Variants in VAMP2 observed in about 807,000 individuals in gnomAD.
The protein encoded by VAMP2 is vesicle associated membrane protein 2, also known as vesicle-associated membrane protein 2.
For missense variants in VAMP2, 95 were observed against 151.3 expected (o/e 0.63, Z 1.95); for synonymous variants, 67 against 57.3 (o/e 1.17, Z -0.76).
In VAMP2 at chr17:8,160,725, G is replaced by GAC; in HGVS notation, c.*128_*129dup. 1.4e-5 allele frequency: 10 copies of GAC among 719,790 alleles called. No individual in the cohort carries two copies. Among genetic ancestry groups the GAC allele is most frequent in the Non-Finnish European group, 2.2e-5 (10 of 462,740 alleles). 44.6% of individuals were successfully genotyped at this position (719,790 alleles called of 1,614,324 possible). The stretch of plus-strand genomic sequence containing the variant: ...AATAACAGCTGGCTATTTACAGGGG[G>GAC]ACACACACACGGACACACACACACA... On this transcript the variant is annotated 3_prime_UTR_variant, in exon 5 of 5. Coordinates refer to ENST00000316509, the MANE Select transcript of VAMP2 (RefSeq NM_014232.3).
Position 8,160,390 on chromosome 17 carries a change from T to TG in VAMP2, c.*464_*465insC, listed in dbSNP as rs1361112999. On this transcript the variant is annotated 3_prime_UTR_variant, in exon 5 of 5. Transcript: ENST00000316509. ...TGGACAGGTGCTGTTGTTTTTTTTT[T>TG]TTTTTTTTTTTTTTTGAGGGCGGGG... 1.1e-4 allele frequency: 14 copies of TG among 128,382 alleles called. No individual in the cohort carries two copies. The highest frequency in any genetic ancestry group is 4.0e-4 in the African/African-American group (14 of 34,680). 8.0% of individuals were successfully genotyped at this position (128,382 alleles called of 1,614,324 possible). A position where few individuals can be genotyped will look rare whatever the true frequency, so the allele number is the denominator to read the frequency against.
rs182894684 is a variant in VAMP2, at chr17:8,160,274, A to G, written c.*581T>C. On this transcript the variant is annotated 3_prime_UTR_variant, in exon 5 of 5. Transcript: ENST00000316509. Reference sequence around the variant, plus strand: ...AATGATACGCTAATTAACATGCTGGACGCTCCCAAAGACCTTGGGATTCTT... The same window carrying G: ...AATGATACGCTAATTAACATGCTGGGCGCTCCCAAAGACCTTGGGATTCTT... The G allele has an allele frequency of 1.3e-5, 2 of 152,188 alleles. No homozygotes were observed. The highest frequency in any genetic ancestry group is 6.6e-5 in the Admixed American group (1 of 15,210). 9.4% of individuals were successfully genotyped at this position (152,188 alleles called of 1,614,324 possible).
chr17:8,160,910 G>T, intron 4 of VAMP2, 39 bp from the exon 5 acceptor site: 2 of 1,540,282 alleles, frequency 1.3e-6, no homozygotes, highest in South Asian at 1.1e-5. Context: ...AGAGGGAGAG[G>T]GGAGAGAAAG....
At chr17:8,161,855 T>C in intron 2 of VAMP2, 89 bp from the exon 3 acceptor site, 1 of 1,545,640 alleles carries the variant, frequency 6.5e-7, no homozygotes, top group Non-Finnish European at 8.8e-7. Context: ...GTGCCACACA[T>C]GGAACATGCA....
At position 8,161,710 on chromosome 17, in the gene VAMP2, C is replaced by A. The variant is rs982358109; in HGVS notation, c.180G>T (p.Leu60=). The change falls in exon 3 of 5, where the codon CTG becomes CTT. Residue 60 remains leucine (L), a synonymous_variant. Transcript: ENST00000316509. ...CATCTGCACGGTCGTCCAGCTCCGA[C>A]AGCTTCTGGTCTCGCTCCAGGACCT... ...VDKVLERDQK[L]SELDDRADAL... 6.2e-7 allele frequency: 1 copy of A among 1,614,198 alleles called. No individual in the cohort carries two copies. The highest frequency in any genetic ancestry group is 8.5e-7 in the Non-Finnish European group (1 of 1,180,014).
In VAMP2 at chr17:8,160,380, G is replaced by GATT. The variant is rs779136429; in HGVS notation, c.*474_*475insAAT. 3 of 35,108 alleles carry GATT rather than the reference G, an allele frequency of 8.5e-5. No homozygotes were observed. The highest frequency in any genetic ancestry group is 3.5e-4 in the African/African-American group (3 of 8,576). 2.2% of individuals were successfully genotyped at this position (35,108 alleles called of 1,614,324 possible). ...TAAGGAAGCCTGGACAGGTGCTGTT[G>GATT]TTTTTTTTTTTTTTTTTTTTTTTTT... On this transcript the variant is annotated 3_prime_UTR_variant, in exon 5 of 5. Coordinates refer to ENST00000316509, the MANE Select transcript of VAMP2 (RefSeq NM_014232.3).
At position 8,162,349 on chromosome 17, in the gene VAMP2, G is replaced by A. The variant is rs1234973792; in HGVS notation, c.23C>T (p.Ala8Val). Residue 8 changes from alanine (A) to valine (V), a missense_variant, in exon 2 of 5, where the codon GCC (alanine) becomes GTC (valine). Ala to Val is a moderately conservative substitution (Grantham distance 64, BLOSUM62 0). Transcript: ENST00000316509. ...CTCCCCAGCCGGGGCAGCAGGGGGG[G>A]CCGTGGCAGCGGTAGCAGACCTGAG... is the stretch of plus-strand genomic sequence containing the variant. MSATAAT[A>V]PPAAPAGEGG... The A allele has an allele frequency of 1.2e-6, 2 of 1,607,280 alleles. No homozygotes were observed. Among genetic ancestry groups the A allele is most frequent in the South Asian group, 1.1e-5 (1 of 90,464 alleles).
Position 8,162,822 on chromosome 17 carries a change from C to T in VAMP2, c.2+56G>A, listed in dbSNP as rs951952800. On this transcript the variant is annotated intron_variant, in intron 1 of 4. Transcript: ENST00000316509. ...CCGGGCACTCCCGACGGCCGGTTGCCAAGGGCGGCGGCCGGCGCAGGGAAG... is the reference window on the plus strand; with the variant it reads ...CCGGGCACTCCCGACGGCCGGTTGCTAAGGGCGGCGGCCGGCGCAGGGAAG... 8.2e-6 allele frequency: 10 copies of T among 1,214,604 alleles called. No individual in the cohort carries two copies. The East Asian group carries it at 3.0e-4, about 36-fold the overall frequency. The allele number at this position is 1,214,604 out of a possible 1,614,324, so 75.2% of individuals were successfully genotyped here.
At position 8,160,902 on chromosome 17, in the gene VAMP2, AGGGAGAG is replaced by A. The variant is rs753778829; in HGVS notation, c.335-38_335-32del. On this transcript the variant is annotated intron_variant, in intron 4 of 4. Coordinates refer to ENST00000316509, the MANE Select transcript of VAMP2 (RefSeq NM_014232.3). ...GAGAGAGGGGAAGAAGATGAGGAAGAGGGAGAGGGGAGAGAAAGAGAGAGAACAAGAA... is the reference window on the plus strand; with the variant it reads ...GAGAGAGGGGAAGAAGATGAGGAAGAGGGAGAGAAAGAGAGAGAACAAGAA... The A allele has an allele frequency of 4.4e-6, 7 of 1,581,448 alleles. No individual in the cohort carries two copies. The Admixed American group carries it at 6.7e-5, about 15-fold the overall frequency.
At position 8,160,751 on chromosome 17, in the gene VAMP2, C is replaced by G; in HGVS notation, c.*104G>C. On this transcript the variant is annotated 3_prime_UTR_variant, in exon 5 of 5. Transcript: ENST00000316509. ...ACACACACACGGACACACACACACA[C>G]GGATCCAGGGGAGTGGGGGCTGAAA... The G allele has an allele frequency of 1.6e-6, 2 of 1,270,586 alleles. No homozygotes were observed. Among genetic ancestry groups the G allele is most frequent in the Non-Finnish European group, 2.2e-6 (2 of 909,854 alleles). The allele number at this position is 1,270,586 out of a possible 1,614,324, so 78.7% of individuals were successfully genotyped here. A position where few individuals can be genotyped will look rare whatever the true frequency, so the allele number is the denominator to read the frequency against.
chr17:8,162,522 G>A, intron 1 of VAMP2, 153 bp from the exon 2 acceptor site: 2 of 1,518,234 alleles, frequency 1.3e-6, no homozygotes, highest in East Asian at 2.6e-5. Flanking sequence ...GTCCAGCCCT[G>A]CCGCCGATGA....
chr17:8,162,345 G>T lies in VAMP2; in HGVS notation c.27C>A (p.Pro9=). 6.2e-7 allele frequency: 1 copy of T among 1,607,492 alleles called. No homozygotes were observed. The highest frequency in any genetic ancestry group is 8.5e-7 in the Non-Finnish European group (1 of 1,177,634). MSATAATA[P]PAAPAGEGGP... is the part of the protein sequence containing the mutation. ...CACCCTCCCCAGCCGGGGCAGCAGG[G>T]GGGGCCGTGGCAGCGGTAGCAGACC... The change falls in exon 2 of 5, where the codon CCC becomes CCA. Residue 9 remains proline (P), a synonymous_variant. Transcript: ENST00000316509.
rs1983264880 is a variant in VAMP2 at position 8,160,386 on chromosome 17, T to TTTTTTTTTTTTTG, written c.*468_*469insCAAAAAAAAAAAA. ...AGCCTGGACAGGTGCTGTTGTTTTT[T>TTTTTTTTTTTTTG]TTTTTTTTTTTTTTTTTTTGAGGGC... On this transcript the variant is annotated 3_prime_UTR_variant, in exon 5 of 5. Transcript: ENST00000316509. 8.0e-6 allele frequency: 1 copy of TTTTTTTTTTTTTG among 125,184 alleles called. No homozygotes were observed. The highest frequency in any genetic ancestry group is 1.7e-5 in the Non-Finnish European group (1 of 58,868). The allele number at this position is 125,184 out of a possible 1,614,324, so 7.8% of individuals were successfully genotyped here.
intron 1 of VAMP2, chr17:8,162,604 T>C: frequency 7.0e-7 from 1 of 1,425,692 alleles, no homozygotes; most frequent in Admixed American, 3.1e-5. Context: ...ACCTCACAGA[T>C]GCGATCCGGG....
At chr17:8,161,011 T>C (rs1983296845) in intron 4 of VAMP2, 140 bp from the exon 5 acceptor site, 3 of 688,038 alleles carry the variant, frequency 4.4e-6, no homozygotes, top group Non-Finnish European at 7.4e-6. Context: ...GGACTCAGTT[T>C]TTCCATCTAC....
rs1270360158 is a variant in VAMP2, at chr17:8,159,726, A to C, written c.*1129T>G. ...TTGGGGGGATTCTCTGCCCTGCCCC[A>C]CTCCTCCCCAAGGCAGTGATGACCC... is the stretch of plus-strand genomic sequence containing the variant. On this transcript the variant is annotated 3_prime_UTR_variant, in exon 5 of 5. Transcript: ENST00000316509. 1.3e-5 allele frequency: 2 copies of C among 152,036 alleles called. No homozygotes were observed. The highest frequency in any genetic ancestry group is 3.9e-4 in the East Asian group (2 of 5,160). 9.4% of individuals were successfully genotyped at this position (152,036 alleles called of 1,614,324 possible).
chr17:8,159,265 A>G lies in VAMP2; in HGVS notation c.*1590T>C, dbSNP rs1150. On this transcript the variant is annotated 3_prime_UTR_variant, in exon 5 of 5. Coordinates refer to ENST00000316509, the MANE Select transcript of VAMP2 (RefSeq NM_014232.3). ...ACACTGGGATAATATGGGGGGTCTA[A>G]AACACAGCACCCCCACCTCCAGCAT... 0.67 allele frequency: 101,227 copies of G among 151,260 alleles called. 34,117 individuals carry two copies. The highest frequency in any genetic ancestry group is 0.73 in the South Asian group (3,493 of 4,792). The allele number at this position is 151,260 out of a possible 1,614,324, so 9.4% of individuals were successfully genotyped here. A position where few individuals can be genotyped will look rare whatever the true frequency, so the allele number is the denominator to read the frequency against.
intron 4 of VAMP2, chr17:8,161,192 CTCAATTCCAGGG>C (rs1210701782): frequency 1.8e-6 from 1 of 570,516 alleles, no homozygotes; most frequent in African/African-American, 1.9e-5. Flanking sequence ...TCTCCCACTC[CTCAATTCCAGGG>C]TTCTCAGACT....
intron 4 of VAMP2, 80 bp downstream of exon 4, chr17:8,161,393 G>T: frequency 6.4e-7 from 1 of 1,561,600 alleles, no homozygotes; most frequent in South Asian, 1.2e-5. Flanking sequence ...GTAAAAACTA[G>T]ATTAATGACC....
Sources: allele counts gnomAD v4.1 joint callset, GRCh38; gene constraint gnomAD v4.1.1; transcripts MANE v1.5; gene names NCBI Gene and HGNC (gene_info 2026-07-23, HGNC 2026-07-21).